Variants in BTN3A1 observed in about 807,000 individuals in gnomAD.
BTN3A1 encodes the protein butyrophilin subfamily 3 member A1.
BTN3A1 carries 24 observed loss-of-function variants against 43.0 expected under a neutral mutation model. The observed-to-expected ratio is 0.56, with a 90% CI of 0.40 to 0.78. The LOEUF is 0.78. Among genes scored for constraint, BTN3A1 ranks in the 30% least tolerant of loss-of-function variants. The probability of loss-of-function intolerance (pLI) is 0.00; values close to 1 mark genes in which losing one functional copy is unlikely to be tolerated. For missense variants in BTN3A1, 533 were observed against 626.2 expected (o/e 0.85, Z 1.59); for synonymous variants, 181 against 234.7 (o/e 0.77, Z 2.09).
intron 8 of BTN3A1, 75 bp downstream of exon 8, chr6:26,411,210 C>T: frequency 6.6e-7 from 1 of 1,519,060 alleles, no homozygotes; most frequent in Non-Finnish European, 9.0e-7. Context: ...CTGCTGTGAC[C>T]CATTGATGTT....
At chr6:26,406,816 T>G (rs567388441) in intron 3 of BTN3A1, among the ~76,000 whole-genome samples, 94 of 152,276 alleles carry the variant, frequency 6.2e-4, no homozygotes, top group South Asian at 3.5e-3. Flanking sequence ...TTTGGGCTTG[T>G]GTTAGGGGAT....
At chr6:26,411,526 T>G (rs368630675) in intron 8 of BTN3A1, 29 bp from the exon 9 acceptor site, 59 of 1,611,028 alleles carry the variant, frequency 3.7e-5, no homozygotes, top group Non-Finnish European at 4.8e-5. Flanking sequence ...ATACTGACCT[T>G]TTCCTTATCT....
At chr6:26,411,795 T>G in intron 9 of BTN3A1, 25 of 569,232 alleles carry the variant, frequency 4.4e-5, no homozygotes, top group Non-Finnish European at 4.9e-5. Flanking sequence ...AATAGATCTC[T>G]TGCACTTCCT....
At chr6:26,412,683 T>C in intron 9 of BTN3A1, 1 of 1,551,444 alleles carries the variant, frequency 6.4e-7, no homozygotes, top group Non-Finnish European at 8.7e-7. Context: ...TAGAGATTCA[T>C]TTGTTTATCC....
chr6:26,410,076 T>G, intron 7 of BTN3A1, 44 bp downstream of exon 7: 1 of 1,610,060 alleles, frequency 6.2e-7, no homozygotes, highest in Non-Finnish European at 8.5e-7. Flanking sequence ...TCTATAACTG[T>G]CTGTGCTTGA....
intron 3 of BTN3A1, 71 bp from the exon 4 acceptor site, chr6:26,407,600 G>A: frequency 1.3e-6 from 2 of 1,523,966 alleles, no homozygotes; most frequent in Admixed American, 3.6e-5. Flanking sequence ...ATGTGAGTGT[G>A]CCATGATTCC....
chr6:26,411,246 C>A, intron 8 of BTN3A1, 111 bp downstream of exon 8: 1 of 1,384,108 alleles, frequency 7.2e-7, no homozygotes, highest in Non-Finnish European at 9.9e-7. Flanking sequence ...CAGATTTAAC[C>A]CAAAGACTCA....
intron 9 of BTN3A1, 181 bp downstream of exon 9, chr6:26,411,762 T>C (rs904987218): frequency 2.8e-6 from 2 of 710,682 alleles, no homozygotes; most frequent in Admixed American, 6.1e-5. Context: ...CCCTTTCTGC[T>C]GAGAGCCCAG....
In BTN3A1 at chr6:26,413,595, T is replaced by C; in HGVS notation, c.1445T>C (p.Ile482Thr). ...SFYNAVDGSH[I>T]HTFLDVSFSE... ...TACAATGCTGTGGATGGATCGCATA[T>C]TCATACTTTCCTGGACGTCTCCTTC... Residue 482 changes from isoleucine to threonine, a missense_variant, in exon 10 of 10, where the codon ATT becomes ACT. Ile to Thr is a moderately conservative substitution (Grantham distance 89, BLOSUM62 -1). This residue lies in a region of BTN3A1 where 415 missense variants were observed against 427.0 expected (regional missense o/e 0.97). Transcript: ENST00000289361. 2 of 1,614,192 alleles carry C rather than the reference T, an allele frequency of 1.2e-6. No homozygotes were observed.
intron 3 of BTN3A1, among the ~76,000 whole-genome samples, chr6:26,407,100 T>G (rs1350282066): frequency 6.6e-6 from 1 of 152,210 alleles, no homozygotes; most frequent in African/African-American, 2.4e-5. Flanking sequence ...TGATCCATCA[T>G]AGTCACAAAG....
intron 7 of BTN3A1, 143 bp from the exon 8 acceptor site, chr6:26,410,965 AG>A: frequency 1.5e-6 from 1 of 645,934 alleles, no homozygotes; most frequent in East Asian, 2.9e-5. Context: ...CACAATAGAA[AG>A]AATTGAACCT....
At chr6:26,410,890 C>T (rs1021027529) in intron 7 of BTN3A1, among the ~76,000 whole-genome samples, 1 of 150,074 alleles carries the variant, frequency 6.7e-6, no homozygotes, top group African/African-American at 2.5e-5. Context: ...CAGGAAGGAA[C>T]TCTCGCAATG....
chr6:26,411,101 C>A lies in BTN3A1; in HGVS notation c.965-8C>A. The A allele has an allele frequency of 6.3e-7, 1 of 1,585,124 alleles. No individual in the cohort carries two copies. The highest frequency in any genetic ancestry group is 2.3e-5 in the East Asian group (1 of 43,712). ...TCAGGTGACATCTCTATCTTTTTTTCATTGTAGGGGGAGAGAGACATTCAG... is the reference window on the plus strand; with the variant it reads ...TCAGGTGACATCTCTATCTTTTTTTAATTGTAGGGGGAGAGAGACATTCAG... On this transcript the variant is annotated splice_polypyrimidine_tract_variant and splice_region_variant and intron_variant, in intron 7 of 9. Transcript: ENST00000289361.
At chr6:26,403,603 T>TGATA (rs59789875) in intron 1 of BTN3A1, among the ~76,000 whole-genome samples, 1 of 151,680 alleles carries the variant, frequency 6.6e-6, no homozygotes, top group African/African-American at 2.4e-5. Context: ...TTAAGGCCCT[T>TGATA]TATATATATA....
In BTN3A1 at chr6:26,414,363, G is replaced by A. The variant is rs961601976; in HGVS notation, c.*671G>A. On this transcript the variant is annotated 3_prime_UTR_variant, in exon 10 of 10. Transcript: ENST00000289361. The stretch of plus-strand genomic sequence containing the variant: ...TGGCTCCAGGATAAGGATCACTGTA[G>A]GTGGTTGTGGAGTTGACACCCCTGT... The A allele has an allele frequency of 6.4e-6, 1 of 155,974 alleles. No homozygotes were observed. The highest frequency in any genetic ancestry group is 2.4e-5 in the African/African-American group (1 of 41,458). 9.7% of individuals were successfully genotyped at this position (155,974 alleles called of 1,614,324 possible).
At chr6:26,410,292 C>G (rs2113801861) in intron 7 of BTN3A1, among the ~76,000 whole-genome samples, 1 of 152,002 alleles carries the variant, frequency 6.6e-6, no homozygotes, top group African/African-American at 2.4e-5. Flanking sequence ...CTTTCTCTTT[C>G]TCAGCTGGTC....
At chr6:26,403,768 C>T (rs1761924876) in intron 1 of BTN3A1, among the ~76,000 whole-genome samples, 1 of 152,086 alleles carries the variant, frequency 6.6e-6, no homozygotes, top group Non-Finnish European at 1.5e-5. Flanking sequence ...CAGGGATCCT[C>T]CCATCTCAAC....
chr6:26,411,025 A>AAAAAAAAAATT, intron 7 of BTN3A1, 84 bp from the exon 8 acceptor site: 4 of 796,966 alleles, frequency 5.0e-6, no homozygotes, highest in South Asian at 1.9e-5. Flanking sequence ...AAAAAAAAAG[A>AAAAAAAAAATT]TTAGATGGAT....
chr6:26,405,186 C>T (rs1469168800), intron 1 of BTN3A1, among the ~76,000 whole-genome samples, 186 bp from the exon 2 acceptor site: 5 of 152,098 alleles, frequency 3.3e-5, no homozygotes, highest in East Asian at 1.9e-4. Flanking sequence ...CCACAGCGGT[C>T]GACCCCGGTG....
Sources: allele counts gnomAD v4.1 joint callset (sites outside exome capture counted in the v4.1 genomes callset), GRCh38; gene constraint gnomAD v4.1.1; regional missense constraint gnomAD v4.1.1; transcripts MANE v1.5; gene names NCBI Gene and HGNC (gene_info 2026-07-23, HGNC 2026-07-21).